The following GOLM2 variants were observed in gnomAD, a reference collection of about 807,000 sequenced individuals.
The protein encoded by GOLM2 is protein GOLM2.
GOLM2 carries 26 observed loss-of-function variants against 55.9 expected under a neutral mutation model. That is an observed-to-expected ratio of 0.47 (90% CI 0.34 to 0.65). GOLM2 has a LOEUF of 0.65. Ranked by LOEUF, GOLM2 falls within the 30% of genes least tolerant of loss-of-function variation. The pLI, the probability that GOLM2 is intolerant of heterozygous loss-of-function variation, is 0.01. For missense variants in GOLM2, 486 were observed against 531.8 expected (o/e 0.91, Z 0.85); for synonymous variants, 165 against 194.6 (o/e 0.85, Z 1.27).
chr15:44,292,202 T>TATA (rs1491250115), intron 1 of GOLM2, among the ~76,000 whole-genome samples: 39 of 113,232 alleles, frequency 3.4e-4, no homozygotes, highest in African/African-American at 1.6e-3. Context: ...TATATATATA[T>TATA]TTTTTTTTTT....
intron 4 of GOLM2, among the ~76,000 whole-genome samples, chr15:44,332,559 CAAA>C (rs538749477): frequency 3.3e-5 from 4 of 120,874 alleles, no homozygotes; most frequent in African/African-American, 8.6e-5. Flanking sequence ...GACTCCGTTT[CAAA>C]AAAAAAAAAA....
intron 6 of GOLM2, among the ~76,000 whole-genome samples, chr15:44,360,267 A>G (rs1471511472): frequency 4.6e-5 from 7 of 152,218 alleles, no homozygotes; most frequent in Non-Finnish European, 7.3e-5. Flanking sequence ...CAAATTGGAT[A>G]AAGAGTCAAG....
Position 44,369,070 on chromosome 15 carries a change from TATATATATATATATATATATATATATA to T in GOLM2, c.803-10619_803-10593del, listed in dbSNP as rs1567037158. Among the ~76,000 whole-genome samples, 18 of 16,974 alleles carry T rather than the reference TATATATATATATATATATATATATATA, an allele frequency of 1.1e-3. 1 individual carries two copies. Among genetic ancestry groups the T allele is most frequent in the African/African-American group, 6.0e-3 (18 of 3,018 alleles). 11.1% of individuals were successfully genotyped at this position (16,974 alleles called of 152,430 possible). ...TATATACATATAATAGGATATATTA[TATATATATATATATATATATATATATA>T]TATATATATATATATATATACCCGG... On this transcript the variant is annotated intron_variant, in intron 6 of 9. Coordinates refer to ENST00000299957, the MANE Select transcript of GOLM2 (RefSeq NM_138423.4).
intron 1 of GOLM2, among the ~76,000 whole-genome samples, chr15:44,306,136 G>T (rs1337893260): frequency 1.3e-5 from 2 of 152,194 alleles, no homozygotes; most frequent in African/African-American, 4.8e-5. Flanking sequence ...AGCTATGAAA[G>T]TTCTAGATGG....
At chr15:44,344,956 G>A (rs953692435) in intron 6 of GOLM2, among the ~76,000 whole-genome samples, 4 of 148,764 alleles carry the variant, frequency 2.7e-5, no homozygotes, top group African/African-American at 7.4e-5. Flanking sequence ...ACAGGCACCC[G>A]CCACCATGCC....
At chr15:44,379,618 GTT>G (rs559031072) in intron 6 of GOLM2, 70 bp from the exon 7 acceptor site, 3,998 of 423,586 alleles carry the variant, frequency 9.4e-3, no homozygotes, top group South Asian at 0.014. Context: ...ATTCACGGTG[GTT>G]TTTTTTTTTT....
At chr15:44,298,200 C>A (rs138961213) in intron 1 of GOLM2, among the ~76,000 whole-genome samples, 136 of 151,616 alleles carry the variant, frequency 9.0e-4, no homozygotes, top group African/African-American at 3.2e-3. Context: ...AGCTTCTGAT[C>A]CATGTCCACT....
intron 6 of GOLM2, among the ~76,000 whole-genome samples, chr15:44,346,459 G>T (rs1443160546): frequency 6.6e-6 from 1 of 152,196 alleles, no homozygotes; most frequent in Admixed American, 6.6e-5. Context: ...ACTCTAGACA[G>T]ATTCTCTAGA....
intron 8 of GOLM2, among the ~76,000 whole-genome samples, chr15:44,396,175 C>T (rs1428002421): frequency 1.3e-5 from 2 of 151,408 alleles, no homozygotes; most frequent in East Asian, 2.0e-4. Flanking sequence ...GCCAACATGG[C>T]GAAACCCCGT....
intron 1 of GOLM2, among the ~76,000 whole-genome samples, chr15:44,298,545 G>T (rs2078774531): frequency 1.3e-5 from 2 of 151,794 alleles, no homozygotes; most frequent in South Asian, 4.2e-4. Flanking sequence ...CAAAGTGCTG[G>T]GATTACAGGT....
intron 8 of GOLM2, among the ~76,000 whole-genome samples, chr15:44,396,717 G>A (rs993918112): frequency 1.3e-5 from 2 of 152,152 alleles, no homozygotes; most frequent in African/African-American, 2.4e-5. Context: ...GTTAGACCAT[G>A]TGGTATATGA....
intron 1 of GOLM2, among the ~76,000 whole-genome samples, chr15:44,296,677 CTG>C (rs1464057138): frequency 1.3e-5 from 2 of 152,186 alleles, no homozygotes; most frequent in East Asian, 3.8e-4. Flanking sequence ...GGATGGGACT[CTG>C]TCTGTGTTCC....
intron 8 of GOLM2, among the ~76,000 whole-genome samples, chr15:44,384,068 C>T (rs536007286): frequency 9.9e-5 from 15 of 152,212 alleles, no homozygotes; most frequent in Admixed American, 2.6e-4. Context: ...TATGCTTTAT[C>T]ATGCAAAAGT....
intron 6 of GOLM2, among the ~76,000 whole-genome samples, chr15:44,348,141 A>G (rs763548786): frequency 5.9e-5 from 9 of 152,188 alleles, no homozygotes; most frequent in Non-Finnish European, 8.8e-5. Context: ...GACTGCAAGT[A>G]AAGACTCTGC....
chr15:44,345,892 T>G (rs1315995725), intron 6 of GOLM2: 2 of 151,318 alleles, frequency 1.3e-5, no homozygotes, highest in African/African-American at 4.9e-5. Context: ...GAAAAGCTTT[T>G]AGGTTTTGTG....
At chr15:44,317,008 G>T (rs2078914750) in intron 1 of GOLM2, among the ~76,000 whole-genome samples, 1 of 151,986 alleles carries the variant, frequency 6.6e-6, no homozygotes, top group Non-Finnish European at 1.5e-5. Flanking sequence ...ACTATAGATT[G>T]AATTTCCCCA....
chr15:44,392,124 A>G (rs2079494733), intron 8 of GOLM2, among the ~76,000 whole-genome samples: 1 of 151,890 alleles, frequency 6.6e-6, no homozygotes, highest in South Asian at 2.1e-4. Context: ...TGCTGGGATT[A>G]CAGGTGTGAG....
chr15:44,410,400 C>T (rs751819123), intron 9 of GOLM2, among the ~76,000 whole-genome samples: 1 of 152,242 alleles, frequency 6.6e-6, no homozygotes, highest in Non-Finnish European at 1.5e-5. Flanking sequence ...CACTGCGCTC[C>T]AGCCTGGGCG....
At chr15:44,312,928 A>C (rs1219784550) in intron 1 of GOLM2, among the ~76,000 whole-genome samples, 1 of 151,988 alleles carries the variant, frequency 6.6e-6, no homozygotes, top group Non-Finnish European at 1.5e-5. Context: ...AAATACAAAA[A>C]ATTAGCTGGG....
Sources: gnomAD v4.1 joint callset for allele counts (sites outside exome capture counted in the v4.1 genomes callset) on GRCh38, gnomAD v4.1.1 for gene constraint, MANE v1.5 for transcripts, NCBI Gene and HGNC (gene_info 2026-07-23, HGNC 2026-07-21) for gene names.